CSMD1: variants seen among roughly 807,000 people sequenced by gnomAD.
CSMD1 encodes CUB and sushi domain-containing protein 1.
CSMD1 carries 213 observed loss-of-function variants against 417.5 expected under a neutral mutation model. The observed-to-expected ratio is 0.51, with a 90% CI of 0.46 to 0.57. CSMD1 has a LOEUF of 0.57. CSMD1 is among the 20% of genes least tolerant of loss of function. The pLI is 0.00. For synonymous variants in CSMD1, 2,862 were observed against 1,736.8 expected (o/e 1.65, Z -16.11); for missense variants, 6,923 against 4,529.7 (o/e 1.53, Z -15.17).
intron 10 of CSMD1, among the ~76,000 whole-genome samples, chr8:3,519,519 C>T (rs914969911): frequency 6.6e-6 from 1 of 152,124 alleles, no homozygotes; most frequent in African/African-American, 2.4e-5. Flanking sequence ...TAGTATACAG[C>T]ACAGTGTCAG....
intron 1 of CSMD1, among the ~76,000 whole-genome samples, chr8:4,866,900 T>C (rs1395331152): frequency 6.6e-6 from 1 of 151,982 alleles, no homozygotes; most frequent in Non-Finnish European, 1.5e-5. Context: ...AATTATAATT[T>C]ATTTGCCATT....
chr8:4,502,190 C>G (rs1159884062), intron 2 of CSMD1, among the ~76,000 whole-genome samples: 2 of 151,972 alleles, frequency 1.3e-5, no homozygotes, highest in African/African-American at 4.8e-5. Flanking sequence ...TTCTTATGAA[C>G]AGAAACATTT....
chr8:4,165,760 C>T (rs1025387664), intron 3 of CSMD1, among the ~76,000 whole-genome samples: 14 of 152,182 alleles, frequency 9.2e-5, no homozygotes, highest in African/African-American at 3.1e-4. Context: ...TCTTCCTGGT[C>T]ATGCCATGAG....
intron 1 of CSMD1, among the ~76,000 whole-genome samples, chr8:4,848,387 T>A (rs1306804281): frequency 6.6e-6 from 1 of 152,210 alleles, no homozygotes; most frequent in Non-Finnish European, 1.5e-5. Flanking sequence ...ATAGTGGAGC[T>A]GAAAAATTCC....
chr8:3,095,693 A>G (rs1057390821), intron 47 of CSMD1, among the ~76,000 whole-genome samples: 4 of 152,222 alleles, frequency 2.6e-5, no homozygotes, highest in East Asian at 1.9e-4. Context: ...TCTGAACTCA[A>G]TGACAAATCT....
At chr8:3,715,468 G>C (rs1465803769) in intron 6 of CSMD1, among the ~76,000 whole-genome samples, 1 of 152,086 alleles carries the variant, frequency 6.6e-6, no homozygotes, top group Non-Finnish European at 1.5e-5. Context: ...TTTTCTGCAT[G>C]ATTAACCCAA....
chr8:4,933,050 G>T (rs747770538), intron 1 of CSMD1, among the ~76,000 whole-genome samples: 2 of 152,138 alleles, frequency 1.3e-5, no homozygotes, highest in Non-Finnish European at 2.9e-5. Flanking sequence ...TTAACTTCAA[G>T]GAATCAGGTA....
At chr8:3,827,345 T>C (rs1016589484) in intron 5 of CSMD1, among the ~76,000 whole-genome samples, 28 of 152,214 alleles carry the variant, frequency 1.8e-4, no homozygotes, top group Admixed American at 3.9e-4. Flanking sequence ...TTAATAACTA[T>C]AGACAACAAT....
chr8:4,473,734 C>T (rs1800654652), intron 2 of CSMD1, among the ~76,000 whole-genome samples: 1 of 152,102 alleles, frequency 6.6e-6, no homozygotes, highest in Non-Finnish European at 1.5e-5. Flanking sequence ...TGTAGTAACA[C>T]ATAAATGTTA....
chr8:4,156,118 G>A (rs17069152), intron 3 of CSMD1, among the ~76,000 whole-genome samples: 3 of 152,088 alleles, frequency 2.0e-5, no homozygotes, highest in Admixed American at 6.5e-5. Context: ...ATCCGATCCT[G>A]ACATTAAGAG....
intron 3 of CSMD1, among the ~76,000 whole-genome samples, chr8:4,362,939 T>C (rs912068950): frequency 6.6e-6 from 1 of 152,190 alleles, no homozygotes; most frequent in African/African-American, 2.4e-5. Context: ...TTAGGACAAG[T>C]CTATGTAATT....
chr8:4,361,528 G>A (rs576493439), intron 3 of CSMD1, among the ~76,000 whole-genome samples: 3 of 152,110 alleles, frequency 2.0e-5, no homozygotes, highest in East Asian at 1.9e-4. Context: ...ATCAGGTAAC[G>A]ACCACGGTCC....
chr8:3,036,393 T>C (rs892347430), intron 50 of CSMD1, among the ~76,000 whole-genome samples: 3 of 152,226 alleles, frequency 2.0e-5, no homozygotes, highest in Non-Finnish European at 4.4e-5. Context: ...CTTTGTTTTG[T>C]TTCTTAACAG....
chr8:4,527,117 T>A (rs2130432201), intron 2 of CSMD1, among the ~76,000 whole-genome samples: 1 of 152,330 alleles, frequency 6.6e-6, no homozygotes, highest in Non-Finnish European at 1.5e-5. Context: ...AACTTGCTTT[T>A]ACTTAAGATA....
chr8:3,632,012 T>C (rs1004780249), intron 7 of CSMD1, among the ~76,000 whole-genome samples: 3 of 152,220 alleles, frequency 2.0e-5, no homozygotes, highest in East Asian at 3.8e-4. Context: ...TCTCTAACCA[T>C]AGGTTAACTC....
chr8:4,214,443 A>G (rs1800509443), intron 3 of CSMD1, among the ~76,000 whole-genome samples: 1 of 152,170 alleles, frequency 6.6e-6, no homozygotes, highest in Non-Finnish European at 1.5e-5. Flanking sequence ...GACTGCAGGC[A>G]TGCACCACCA....
chr8:3,230,482 G>T (rs1462528747), intron 26 of CSMD1, among the ~76,000 whole-genome samples: 1 of 151,818 alleles, frequency 6.6e-6, no homozygotes, highest in African/African-American at 2.4e-5. Flanking sequence ...TATATCAAGG[G>T]TTTTTTTAAA....
chr8:4,553,495 G>C (rs940979775), intron 2 of CSMD1, among the ~76,000 whole-genome samples: 6 of 151,024 alleles, frequency 4.0e-5, no homozygotes, highest in Non-Finnish European at 1.5e-5. Context: ...AAAAATAAAG[G>C]AGGGAGAGAC....
intron 3 of CSMD1, among the ~76,000 whole-genome samples, chr8:4,328,130 G>A (rs1403478457): frequency 6.6e-6 from 1 of 151,958 alleles, no homozygotes; most frequent in African/African-American, 2.4e-5. Context: ...ATTTATGAAT[G>A]AAGAAATACT....
Sources: allele counts gnomAD v4.1 joint callset (sites outside exome capture counted in the v4.1 genomes callset), GRCh38; gene constraint gnomAD v4.1.1; transcripts MANE v1.5; gene names NCBI Gene and HGNC (gene_info 2026-07-23, HGNC 2026-07-21).